The following KHDRBS2 variants were observed in gnomAD, a reference collection of about 807,000 sequenced individuals.
The protein encoded by KHDRBS2 is KH RNA binding domain containing, signal transduction associated 2, also known as KH domain-containing, RNA-binding, signal transduction-associated protein 2.
KHDRBS2 carries 26 observed loss-of-function variants against 44.3 expected under a neutral mutation model. That is an observed-to-expected ratio of 0.59 (90% confidence interval 0.43 to 0.81). KHDRBS2 has a LOEUF of 0.81. Ranked by LOEUF, KHDRBS2 falls within the 40% of genes least tolerant of loss-of-function variation. The probability of loss-of-function intolerance (pLI) is 0.00; values close to 1 mark genes in which losing one functional copy is unlikely to be tolerated. For missense variants in KHDRBS2, 476 were observed against 433.1 expected (o/e 1.10, Z -0.88); for synonymous variants, 194 against 151.1 (o/e 1.28, Z -2.08).
chr6:61,960,980 T>C (rs145230733), intron 4 of KHDRBS2, among the ~76,000 whole-genome samples: 1 of 152,208 alleles, frequency 6.6e-6, no homozygotes, highest in African/African-American at 2.4e-5. Context: ...TATAATACAA[T>C]TGAAGTAGTG....
intron 8 of KHDRBS2, among the ~76,000 whole-genome samples, chr6:61,685,252 C>T (rs1766697315): frequency 6.6e-6 from 1 of 151,756 alleles, no homozygotes; most frequent in African/African-American, 2.4e-5. Context: ...AGAGAATTCA[C>T]TTTCTTTAAA....
At chr6:61,703,813 G>A (rs1769059391) in intron 7 of KHDRBS2, among the ~76,000 whole-genome samples, 1 of 151,832 alleles carries the variant, frequency 6.6e-6, no homozygotes, top group African/African-American at 2.4e-5. Flanking sequence ...TTGAAGGAAT[G>A]GGAAACCTTT....
chr6:62,106,368 G>T (rs1033810470), intron 2 of KHDRBS2, among the ~76,000 whole-genome samples: 2 of 152,020 alleles, frequency 1.3e-5, no homozygotes, highest in African/African-American at 2.4e-5. Context: ...GGTCTAATGT[G>T]GATAGTGGGG....
At chr6:61,815,837 T>C (rs972949704) in intron 6 of KHDRBS2, among the ~76,000 whole-genome samples, 1 of 152,210 alleles carries the variant, frequency 6.6e-6, no homozygotes, top group African/African-American at 2.4e-5. Flanking sequence ...TAATACCATA[T>C]GTTGATAATA....
chr6:62,055,004 A>G (rs558709742), intron 2 of KHDRBS2, among the ~76,000 whole-genome samples: 1 of 152,176 alleles, frequency 6.6e-6, no homozygotes, highest in East Asian at 1.9e-4. Context: ...TAAATTCTAG[A>G]TGGTTTATAG....
At chr6:61,720,628 T>G (rs892232213) in intron 7 of KHDRBS2, among the ~76,000 whole-genome samples, 1 of 152,210 alleles carries the variant, frequency 6.6e-6, no homozygotes, top group Non-Finnish European at 1.5e-5. Flanking sequence ...TGGGCTTGTT[T>G]GTTTTTTTCT....
chr6:61,754,747 G>GA (rs968125685), intron 6 of KHDRBS2, among the ~76,000 whole-genome samples: 5 of 151,604 alleles, frequency 3.3e-5, no homozygotes, highest in Admixed American at 6.6e-5. Flanking sequence ...CAGAAAAAAT[G>GA]AAAAAAAGAT....
chr6:62,130,041 A>G (rs1809931214), intron 2 of KHDRBS2, among the ~76,000 whole-genome samples: 1 of 152,286 alleles, frequency 6.6e-6, no homozygotes, highest in South Asian at 2.1e-4. Context: ...TTTTTTAAAA[A>G]CTAGCTTAAT....
intron 6 of KHDRBS2, among the ~76,000 whole-genome samples, chr6:61,820,982 T>G (rs1402422506): frequency 2.0e-5 from 3 of 152,054 alleles, no homozygotes; most frequent in Admixed American, 2.0e-4. Flanking sequence ...TCCTACTGAC[T>G]GTGTGAGGAG....
intron 6 of KHDRBS2, among the ~76,000 whole-genome samples, chr6:61,859,684 A>G (rs1335376866): frequency 6.6e-6 from 1 of 152,008 alleles, no homozygotes; most frequent in Admixed American, 6.6e-5. Flanking sequence ...ATCACACAAG[A>G]GAATAAGTCA....
chr6:61,953,516 G>T (rs1765215299), intron 4 of KHDRBS2, among the ~76,000 whole-genome samples: 1 of 152,014 alleles, frequency 6.6e-6, no homozygotes, highest in Non-Finnish European at 1.5e-5. Context: ...TTTAAATTGT[G>T]TAAGACTTTA....
chr6:62,121,458 G>T (rs1807616757), intron 2 of KHDRBS2, among the ~76,000 whole-genome samples: 3 of 152,168 alleles, frequency 2.0e-5, no homozygotes, highest in Non-Finnish European at 4.4e-5. Context: ...ACCAAGTGGT[G>T]ACTCCAAGTG....
intron 7 of KHDRBS2, among the ~76,000 whole-genome samples, chr6:61,718,978 A>G (rs1275406289): frequency 2.0e-5 from 3 of 152,188 alleles, no homozygotes; most frequent in Non-Finnish European, 2.9e-5. Flanking sequence ...ATAATGCCTT[A>G]TATTTCAGAG....
intron 1 of KHDRBS2, among the ~76,000 whole-genome samples, chr6:62,240,186 T>C (rs1044313431): frequency 2.6e-5 from 4 of 152,086 alleles, no homozygotes; most frequent in Non-Finnish European, 5.9e-5. Flanking sequence ...CCAATATTGG[T>C]TTATTTATCT....
At chr6:61,847,864 T>C (rs1794639962) in intron 6 of KHDRBS2, among the ~76,000 whole-genome samples, 1 of 152,002 alleles carries the variant, frequency 6.6e-6, no homozygotes, top group Admixed American at 6.6e-5. Context: ...ATCAATCAAT[T>C]ACATTTTAGA....
At chr6:61,550,879 TCTC>T in the KHDRBS2 span, among the ~76,000 whole-genome samples, 1 of 150,720 alleles carries the variant, frequency 6.6e-6, no homozygotes, top group East Asian at 2.0e-4. Context: ...TTCAAGTGAT[TCTC>T]CTCCTCATCT....
At chr6:62,134,742 G>A (rs1811120965) in intron 2 of KHDRBS2, among the ~76,000 whole-genome samples, 1 of 152,170 alleles carries the variant, frequency 6.6e-6, no homozygotes, top group South Asian at 2.1e-4. Context: ...ACCTGGATGT[G>A]AGACATGTAG....
chr6:61,700,870 T>G (rs1315755085), intron 7 of KHDRBS2, among the ~76,000 whole-genome samples: 2 of 151,962 alleles, frequency 1.3e-5, no homozygotes, highest in East Asian at 3.9e-4. Context: ...AGCAGACTTA[T>G]TTTACACTAC....
At chr6:62,096,790 G>C (rs182469454) in intron 2 of KHDRBS2, among the ~76,000 whole-genome samples, 1 of 151,538 alleles carries the variant, frequency 6.6e-6, no homozygotes, top group Admixed American at 6.6e-5. Context: ...CTAGTTCCTT[G>C]AGCTGCAACA....
Sources: allele counts gnomAD v4.1 joint callset (sites outside exome capture counted in the v4.1 genomes callset), GRCh38; gene constraint gnomAD v4.1.1; transcripts MANE v1.5; gene names NCBI Gene and HGNC (gene_info 2026-07-23, HGNC 2026-07-21).